The following SCIN variants were observed in gnomAD, a reference collection of about 807,000 sequenced individuals.
SCIN encodes scinderin, also known as adseverin.
Under a neutral mutation model 91.8 loss-of-function variants are expected in SCIN, and 91 were observed. That is an observed-to-expected ratio of 0.99 (90% CI 0.84 to 1.18). The LOEUF (loss-of-function observed/expected upper bound fraction) is 1.18. SCIN is among the 50% of genes most tolerant of loss of function. SCIN has a pLI of 0.00. For missense variants in SCIN, 1,087 were observed against 863.9 expected (o/e 1.26, Z -3.24); for synonymous variants, 367 against 312.6 (o/e 1.17, Z -1.84).
At chr7:12,645,354 G>T (rs1159300998) in intron 13 of SCIN, among the ~76,000 whole-genome samples, 1 of 152,032 alleles carries the variant, frequency 6.6e-6, no homozygotes, top group Non-Finnish European at 1.5e-5. Flanking sequence ...ACAAAAAACA[G>T]TGAGATAGAA....
chr7:12,598,939 C>T (rs936461922), intron 3 of SCIN, among the ~76,000 whole-genome samples: 4 of 151,946 alleles, frequency 2.6e-5, no homozygotes, highest in Middle Eastern at 3.4e-3. Context: ...GAAAAAAAAA[C>T]AGTGTTTTAA....
intron 4 of SCIN, among the ~76,000 whole-genome samples, chr7:12,609,375 CT>C (rs2115256245): frequency 6.6e-6 from 1 of 152,240 alleles, no homozygotes; most frequent in Non-Finnish European, 1.5e-5. Flanking sequence ...TTATGTAAAG[CT>C]TTTTTCGTGA....
chr7:12,612,990 G>A (rs1444786445), intron 4 of SCIN, among the ~76,000 whole-genome samples: 2 of 152,094 alleles, frequency 1.3e-5, no homozygotes, highest in African/African-American at 2.4e-5. Context: ...CCTTTAGCTT[G>A]CAGCTGAAGT....
intron 13 of SCIN, among the ~76,000 whole-genome samples, chr7:12,648,298 T>C (rs1161384042): frequency 6.7e-6 from 1 of 149,700 alleles, no homozygotes; most frequent in Non-Finnish European, 1.5e-5. Context: ...TCTCTCTCTT[T>C]TTTTTTTTTT....
At chr7:12,583,114 T>TAA (rs574956652) in intron 3 of SCIN, among the ~76,000 whole-genome samples, 22 of 147,124 alleles carry the variant, frequency 1.5e-4, no homozygotes, top group African/African-American at 5.2e-4. Flanking sequence ...TTTCTTTTCT[T>TAA]AAAAAAAAAA....
At chr7:12,573,562 A>G (rs1782310595) in intron 1 of SCIN, among the ~76,000 whole-genome samples, 1 of 152,206 alleles carries the variant, frequency 6.6e-6, no homozygotes, top group African/African-American at 2.4e-5. Flanking sequence ...GTAAAAATTT[A>G]TTGCAAAGAA....
intron 6 of SCIN, 117 bp downstream of exon 6, chr7:12,625,259 T>C (rs1783491129): frequency 1.1e-6 from 1 of 899,050 alleles, no homozygotes; most frequent in African/African-American, 1.7e-5. Flanking sequence ...TAAGACATGA[T>C]CTATAAATGT....
At position 12,644,235 on chromosome 7, in the gene SCIN, A is replaced by G. The variant is rs865899172; in HGVS notation, c.1679A>G (p.Gln560Arg). The G allele has an allele frequency of 2.5e-6, 4 of 1,609,350 alleles. No individual in the cohort carries two copies. In the African/African-American group the frequency reaches 4.0e-5, roughly 16 times the overall value. The change falls in exon 12 of 16, where the codon CAG becomes CGG. Residue 560 changes from glutamine (Q) to arginine (R), a missense_variant. Coordinates refer to ENST00000297029, the MANE Select transcript of SCIN (RefSeq NM_001112706.3). ...GYIWVGKGAS[Q>R]EEEKGAEYVA... ...ATCTGGGTAGGAAAAGGTGCTAGCC[A>G]GGAGGAGGAGAAAGGAGCAGAGTAT...
At chr7:12,608,493 T>G (rs769309734) in intron 4 of SCIN, among the ~76,000 whole-genome samples, 1 of 152,310 alleles carries the variant, frequency 6.6e-6, no homozygotes, top group South Asian at 2.1e-4. Flanking sequence ...TTATTTATTT[T>G]TTGAGCTGGA....
At chr7:12,629,412 A>AG (rs1783598740) in intron 9 of SCIN, among the ~76,000 whole-genome samples, 190 bp downstream of exon 9, 1 of 152,138 alleles carries the variant, frequency 6.6e-6, no homozygotes, top group East Asian at 1.9e-4. Context: ...AGGCAGCAGG[A>AG]GTCACATAAA....
chr7:12,631,094 G>C (rs1483166225), intron 9 of SCIN, among the ~76,000 whole-genome samples: 1 of 152,194 alleles, frequency 6.6e-6, no homozygotes, highest in Non-Finnish European at 1.5e-5. Flanking sequence ...GGAATTAACA[G>C]TTTGCAACCC....
At chr7:12,598,838 G>T (rs1782896837) in intron 3 of SCIN, among the ~76,000 whole-genome samples, 2 of 152,060 alleles carry the variant, frequency 1.3e-5, no homozygotes, top group African/African-American at 4.8e-5. Context: ...GAACCTGGAG[G>T]CAGAAGCTGC....
chr7:12,577,971 G>A, intron 1 of SCIN, 93 bp from the exon 2 acceptor site: 12 of 1,143,048 alleles, frequency 1.0e-5, no homozygotes, highest in Non-Finnish European at 1.4e-5. Context: ...ATACATAATT[G>A]AAATGAAAAT....
intron 3 of SCIN, among the ~76,000 whole-genome samples, chr7:12,590,181 C>G (rs1474061780): frequency 6.6e-6 from 1 of 152,170 alleles, no homozygotes; most frequent in Non-Finnish European, 1.5e-5. Context: ...TGGGAGACTT[C>G]TGCGGCCTTT....
intron 14 of SCIN, among the ~76,000 whole-genome samples, chr7:12,650,557 T>C (rs187832956): frequency 9.1e-4 from 139 of 152,294 alleles, no homozygotes; most frequent in Non-Finnish European, 1.6e-3. Flanking sequence ...TGCACACAAA[T>C]GTTTCAGCAC....
chr7:12,594,644 G>T (rs930846864), intron 3 of SCIN, among the ~76,000 whole-genome samples: 1 of 152,150 alleles, frequency 6.6e-6, no homozygotes, highest in Non-Finnish European at 1.5e-5. Flanking sequence ...CCCAAGGGGG[G>T]TGGTCTTGGG....
chr7:12,646,645 C>T (rs1477056488), intron 13 of SCIN, among the ~76,000 whole-genome samples: 2 of 152,108 alleles, frequency 1.3e-5, no homozygotes, highest in Admixed American at 6.5e-5. Flanking sequence ...CTCTGTTTGA[C>T]GTGCTAAGTT....
At chr7:12,647,186 A>C (rs1036280285) in intron 13 of SCIN, among the ~76,000 whole-genome samples, 2 of 152,196 alleles carry the variant, frequency 1.3e-5, no homozygotes, top group Non-Finnish European at 1.5e-5. Context: ...AAGAAAAAAG[A>C]TCTGTTAGTC....
chr7:12,618,774 C>T (rs1783348741), intron 4 of SCIN, among the ~76,000 whole-genome samples: 1 of 151,992 alleles, frequency 6.6e-6, no homozygotes, highest in South Asian at 2.1e-4. Context: ...CTGATTGTTT[C>T]TCAGTTAAGG....
Sources: gnomAD v4.1 joint callset for allele counts (sites outside exome capture counted in the v4.1 genomes callset) on GRCh38, gnomAD v4.1.1 for gene constraint, MANE v1.5 for transcripts, NCBI Gene and HGNC (gene_info 2026-07-23, HGNC 2026-07-21) for gene names.